The following CC2D2B variants were observed in gnomAD, a reference collection of about 807,000 sequenced individuals.
CC2D2B encodes the protein coiled-coil and C2 domain containing 2B.
CC2D2B carries 128 observed loss-of-function variants against 161.2 expected under a neutral mutation model. That is an observed-to-expected ratio of 0.79 (90% CI 0.69 to 0.92). CC2D2B has a LOEUF of 0.92. CC2D2B is among the 40% of genes least tolerant of loss of function. The probability of loss-of-function intolerance (pLI) is 0.00; values close to 1 mark genes in which losing one functional copy is unlikely to be tolerated. For synonymous variants in CC2D2B, 391 were observed against 449.8 expected (o/e 0.87, Z 1.65); for missense variants, 1,173 against 1,375.1 (o/e 0.85, Z 2.32).
At chr10:95,999,193 T>A (rs553472316) in intron 24 of CC2D2B, among the ~76,000 whole-genome samples, 2 of 152,230 alleles carry the variant, frequency 1.3e-5, no homozygotes, top group Non-Finnish European at 2.9e-5. Context: ...AAATTAGCCA[T>A]CATAGTCATA....
At chr10:96,009,004 C>G (rs2141838016) in intron 25 of CC2D2B, among the ~76,000 whole-genome samples, 1 of 152,064 alleles carries the variant, frequency 6.6e-6, no homozygotes, top group South Asian at 2.1e-4. Flanking sequence ...ATACATATTT[C>G]TTTTTGATGA....
intron 12 of CC2D2B, among the ~76,000 whole-genome samples, chr10:95,964,144 A>G (rs573981777): frequency 2.0e-5 from 3 of 152,328 alleles, no homozygotes; most frequent in South Asian, 4.1e-4. Context: ...CAAGCTATGT[A>G]AGCAGGAAAT....
chr10:96,017,196 ATTTCTGAACTG>A (rs1386016626), intron 30 of CC2D2B, among the ~76,000 whole-genome samples: 1 of 152,172 alleles, frequency 6.6e-6, no homozygotes, highest in African/African-American at 2.4e-5. Context: ...GAAAGCTATC[ATTTCTGAACTG>A]TTTCTAGCCC....
intron 17 of CC2D2B, among the ~76,000 whole-genome samples, chr10:95,979,187 TC>T (rs1223328429): frequency 4.0e-5 from 6 of 151,428 alleles, no homozygotes; most frequent in Non-Finnish European, 7.4e-5. Flanking sequence ...TTTTTTTTTT[TC>T]CTCTCTCTCC....
Position 95,982,108 on chromosome 10 carries a change from G to C in CC2D2B, c.2077G>C (p.Val693Leu). 1 of 1,227,586 alleles carries C rather than the reference G, an allele frequency of 8.1e-7. No individual in the cohort carries two copies. Among genetic ancestry groups the C allele is most frequent in the South Asian group, 4.1e-5 (1 of 24,228 alleles). The allele number at this position is 1,227,586 out of a possible 1,614,324, so 76.0% of individuals were successfully genotyped here. ...AGAATATTCTGATTTAATGGAATCT[G>C]TTACGGTAAGTTAAAGCAAATATCA... The part of the protein sequence containing the change: ...NPEYSDLMES[V>L]TYMRLKGQDI... The change falls in exon 18 of 35, where the codon GTT becomes CTT. Residue 693 changes from valine to leucine, a missense_variant. Around this residue, in one of 3 missense-constraint regions of CC2D2B, gnomAD observed 277 missense variants for 420.6 expected, o/e 0.66. Transcript: ENST00000646931.
intron 24 of CC2D2B, among the ~76,000 whole-genome samples, chr10:95,998,413 G>C (rs1309960800): frequency 6.6e-6 from 1 of 152,118 alleles, no homozygotes; most frequent in East Asian, 1.9e-4. Flanking sequence ...TGTGTGCTCT[G>C]TCTATTCATC....
At chr10:95,940,810 C>T (rs1452842681) in intron 9 of CC2D2B, among the ~76,000 whole-genome samples, 3 of 152,278 alleles carry the variant, frequency 2.0e-5, no homozygotes, top group Non-Finnish European at 4.4e-5. Flanking sequence ...CCAAACTGAT[C>T]TGCAGACTTA....
rs1039949961 is a variant in CC2D2B, at chr10:96,027,323, T to C, written c.4059T>C (p.Phe1353=). ...GACAAATCCTTCCTAAGCTGGAATT[T>C]GGCATAGGAAGCTTTGTTTCATCTG... ...ILRQILPKLE[F]GIGSFVSSEG... Residue 1353 remains phenylalanine (F), a synonymous_variant, in exon 34 of 35, where the codon TTT becomes TTC. Coordinates refer to ENST00000646931, the MANE Select transcript of CC2D2B (RefSeq NM_001349008.3). 2.8e-5 allele frequency: 43 copies of C among 1,551,142 alleles called. No homozygotes were observed. The highest frequency in any genetic ancestry group is 3.7e-5 in the Non-Finnish European group (42 of 1,146,756).
intron 22 of CC2D2B, 62 bp downstream of exon 22, chr10:95,992,759 C>A: frequency 9.6e-7 from 1 of 1,043,902 alleles, no homozygotes; most frequent in Non-Finnish European, 1.2e-6. Flanking sequence ...TGAGAATTCT[C>A]CATGCTGTTC....
At chr10:95,924,044 A>G (rs1314996747) in intron 3 of CC2D2B, among the ~76,000 whole-genome samples, 1 of 152,056 alleles carries the variant, frequency 6.6e-6, no homozygotes, top group Non-Finnish European at 1.5e-5. Flanking sequence ...AAAAATAAAA[A>G]AGAAGGTGAT....
At chr10:95,986,855 CCA>C (rs2077750602) in intron 19 of CC2D2B, among the ~76,000 whole-genome samples, 1 of 151,946 alleles carries the variant, frequency 6.6e-6, no homozygotes, top group Admixed American at 6.6e-5. Context: ...CCTCGGCCTC[CCA>C]CAGTGTTAGG....
intron 12 of CC2D2B, among the ~76,000 whole-genome samples, chr10:95,963,700 A>C (rs554026109): frequency 6.6e-6 from 1 of 152,304 alleles, no homozygotes; most frequent in Admixed American, 6.5e-5. Context: ...AGAGGCAAGG[A>C]AACAGGAGTA....
chr10:95,962,040 T>G (rs1738328303), intron 12 of CC2D2B, 71 bp downstream of exon 12: 1 of 1,125,740 alleles, frequency 8.9e-7, no homozygotes, highest in African/African-American at 1.6e-5. Context: ...AAATTCACAG[T>G]GACTAGGAAG....
chr10:95,956,891 T>C (rs1289946762), intron 11 of CC2D2B, among the ~76,000 whole-genome samples: 1 of 152,232 alleles, frequency 6.6e-6, no homozygotes, highest in African/African-American at 2.4e-5. Context: ...TCTTGTATTG[T>C]TATTTTTATT....
chr10:95,993,941 TG>T, intron 22 of CC2D2B, among the ~76,000 whole-genome samples: 1 of 14,606 alleles, frequency 6.8e-5, no homozygotes, highest in South Asian at 2.3e-3. Context: ...TGTGTGTGTG[TG>T]TATGTATGTG....
At chr10:95,978,795 T>C (rs2077406658) in intron 17 of CC2D2B, among the ~76,000 whole-genome samples, 1 of 152,234 alleles carries the variant, frequency 6.6e-6, no homozygotes. Context: ...TATTCAACTT[T>C]GTCCAGTATA....
chr10:96,020,357 C>T (rs1483292245), intron 32 of CC2D2B: 1 of 152,922 alleles, frequency 6.5e-6, no homozygotes, highest in African/African-American at 2.4e-5. Flanking sequence ...GGTGGGGCTA[C>T]TTTACTTCCC....
At chr10:95,945,444 T>G (rs1047109743) in intron 9 of CC2D2B, among the ~76,000 whole-genome samples, 3 of 152,200 alleles carry the variant, frequency 2.0e-5, no homozygotes, top group Admixed American at 2.0e-4. Flanking sequence ...GCCAGGTACT[T>G]TAACAGCTTG....
At chr10:95,999,338 A>G (rs2078367992) in intron 24 of CC2D2B, among the ~76,000 whole-genome samples, 1 of 152,182 alleles carries the variant, frequency 6.6e-6, no homozygotes. Flanking sequence ...ATTCTATTAT[A>G]TGGATGTATC....
Sources: allele counts gnomAD v4.1 joint callset (sites outside exome capture counted in the v4.1 genomes callset), GRCh38; gene constraint gnomAD v4.1.1; regional missense constraint gnomAD v4.1.1; transcripts MANE v1.5; gene names NCBI Gene and HGNC (gene_info 2026-07-23, HGNC 2026-07-21).